HRH4: variants seen among roughly 807,000 people sequenced by gnomAD.
The protein encoded by HRH4 is histamine H4 receptor.
Under a neutral mutation model 10.4 loss-of-function variants are expected in HRH4, and 12 were observed. The ratio of observed to expected loss-of-function variants is 1.15; its 90% CI spans 0.74 to 1.87. The LOEUF is 1.87. HRH4 is among the 40% of genes most tolerant of loss of function. HRH4 has a pLI of 0.00. For synonymous variants in HRH4, 154 were observed against 166.6 expected, an observed-to-expected ratio of 0.92 and a Z score of 0.58; for missense variants, 415 against 453.3, an observed-to-expected ratio of 0.92 and a Z score of 0.77.
At position 24,477,294 on chromosome 18, in the gene HRH4, C is replaced by T; in HGVS notation, c.905C>T (p.Ala302Val). ...GAACTGCTTAGAGCCAGGAGATTAG[C>T]CAAGTCACTGGCCATTCTCTTAGGG... ...HVELLRARRL[A>V]KSLAILLGVF... Residue 302 changes from alanine to valine, a missense_variant, in exon 3 of 3, where the codon GCC (alanine) becomes GTC (valine). Transcript: ENST00000256906. 1.2e-6 allele frequency: 2 copies of T among 1,614,192 alleles called. No homozygotes were observed. Among genetic ancestry groups the T allele is most frequent in the Non-Finnish European group, 1.7e-6 (2 of 1,180,028 alleles).
At chr18:24,468,751 T>A in intron 1 of HRH4, 37 bp from the exon 2 acceptor site, 5 of 1,568,778 alleles carry the variant, frequency 3.2e-6, no homozygotes, top group Non-Finnish European at 4.3e-6. Context: ...TTCATTGATG[T>A]GCGCTATGTT....
chr18:24,462,470 C>A (rs139655916), intron 1 of HRH4, among the ~76,000 whole-genome samples: 440 of 152,164 alleles, frequency 2.9e-3, no homozygotes, highest in Non-Finnish European at 5.2e-3. Flanking sequence ...AGAAATCATG[C>A]AGTTAGGACC....
rs770870872 is a variant in HRH4 at position 24,477,232 on chromosome 18, AT to A, written c.844del (p.Ser282GlnfsTer4). On this transcript the variant is annotated frameshift_variant, in exon 3 of 3. Coordinates refer to ENST00000256906, the MANE Select transcript of HRH4 (RefSeq NM_021624.4). LOFTEE classifies it low-confidence loss of function (END_TRUNC). The part of the protein sequence containing the change: ...IASKMGSFSQ[S>X]DSVALHQREH... ...CTTCCAAAATGGGTTCCTTCTCCCAATCAGATTCTGTAGCTCTTCACCAAAG... is the reference window on the plus strand; with the variant it reads ...CTTCCAAAATGGGTTCCTTCTCCCAACAGATTCTGTAGCTCTTCACCAAAG... 6 of 1,614,212 alleles carry A rather than the reference AT, an allele frequency of 3.7e-6. No individual in the cohort carries two copies. The South Asian group carries it at 6.6e-5, about 18-fold the overall frequency.
intron 2 of HRH4, among the ~76,000 whole-genome samples, chr18:24,471,532 G>A (rs1468397529): frequency 1.4e-5 from 2 of 145,068 alleles, no homozygotes; most frequent in Non-Finnish European, 3.0e-5. Context: ...GCTTGAACCC[G>A]GGAGGCGGAG....
chr18:24,472,751 GT>G (rs1372241564), intron 2 of HRH4, among the ~76,000 whole-genome samples: 1 of 152,202 alleles, frequency 6.6e-6, no homozygotes, highest in Non-Finnish European at 1.5e-5. Flanking sequence ...CATGATTACA[GT>G]CCTCAGAGAG....
rs1910217919 is a variant in HRH4, at chr18:24,478,713, C to T, written c.*1151C>T. 1 of 152,196 alleles carries T rather than the reference C, an allele frequency of 6.6e-6. No individual in the cohort carries two copies. The highest frequency in any genetic ancestry group is 1.5e-5 in the Non-Finnish European group (1 of 68,046). 9.4% of individuals were successfully genotyped at this position (152,196 alleles called of 1,614,324 possible). A position where few individuals can be genotyped will look rare whatever the true frequency, so the allele number is the denominator to read the frequency against. On this transcript the variant is annotated 3_prime_UTR_variant, in exon 3 of 3. Transcript: ENST00000256906. ...TTTAAGACAGCATCTTGCTCTGTCT[C>T]CCAGGCTGGAGCGTAGTAATGCAAT...
intron 2 of HRH4, 32 bp downstream of exon 2, chr18:24,468,983 A>G (rs778781359): frequency 3.3e-6 from 5 of 1,532,474 alleles, no homozygotes; most frequent in South Asian, 2.5e-5. Flanking sequence ...TCCCCCTTAG[A>G]AGATTATGTA....
intron 1 of HRH4, among the ~76,000 whole-genome samples, chr18:24,464,753 A>G (rs1909730258): frequency 6.6e-6 from 1 of 152,138 alleles, no homozygotes; most frequent in Non-Finnish European, 1.5e-5. Context: ...GCACTTTCTG[A>G]GGTGCTGGGG....
At chr18:24,461,095 T>C (rs1296686007) in intron 1 of HRH4, among the ~76,000 whole-genome samples, 174 bp downstream of exon 1, 2 of 152,226 alleles carry the variant, frequency 1.3e-5, no homozygotes, top group African/African-American at 2.4e-5. Context: ...GGGAATGTTA[T>C]ACATATGTAA....
chr18:24,460,800 A>G lies in HRH4; in HGVS notation c.72A>G (p.Leu24=), dbSNP rs780265245. 6.3e-7 allele frequency: 1 copy of G among 1,585,342 alleles called. No homozygotes were observed. Among genetic ancestry groups the G allele is most frequent in the Non-Finnish European group, 8.6e-7 (1 of 1,159,242 alleles). ...TTACTTTAGCATTTTTTATGTCCTT[A>G]GTAGCTTTTGCTATAATGCTAGGAA... The part of the protein sequence containing the change: ...TRVTLAFFMS[L]VAFAIMLGNA... The change falls in exon 1 of 3, where the codon TTA becomes TTG. Residue 24 remains leucine, a synonymous_variant. Transcript: ENST00000256906.
Position 24,477,615 on chromosome 18 carries a change from C to CATTT in HRH4, c.*54_*55insTTTA. The CATTT allele has an allele frequency of 8.0e-7, 1 of 1,246,724 alleles. No individual in the cohort carries two copies. The highest frequency in any genetic ancestry group is 1.1e-6 in the Non-Finnish European group (1 of 901,602). The allele number at this position is 1,246,724 out of a possible 1,614,324, so 77.2% of individuals were successfully genotyped here. A position where few individuals can be genotyped will look rare whatever the true frequency, so the allele number is the denominator to read the frequency against. On this transcript the variant is annotated 3_prime_UTR_variant, in exon 3 of 3. Transcript: ENST00000256906. ...TAGTCTCAATCTCACCTAAATGAAT[C>CATTT]AGGTCTGCCCTTTATCTTGCCCTTT...
chr18:24,473,163 A>G (rs1038398245), intron 2 of HRH4, among the ~76,000 whole-genome samples: 1 of 152,166 alleles, frequency 6.6e-6, no homozygotes, highest in Non-Finnish European at 1.5e-5. Context: ...TCAAAAAAAA[A>G]AGTACAAAAA....
chr18:24,468,605 G>T (rs1043605109), intron 1 of HRH4, among the ~76,000 whole-genome samples, 183 bp from the exon 2 acceptor site: 1 of 152,178 alleles, frequency 6.6e-6, no homozygotes, highest in Non-Finnish European at 1.5e-5. Flanking sequence ...TAAAAATGGC[G>T]TTTAAGGAGT....
At chr18:24,467,336 A>G (rs1909803064) in intron 1 of HRH4, among the ~76,000 whole-genome samples, 2 of 152,230 alleles carry the variant, frequency 1.3e-5, no homozygotes, top group African/African-American at 2.4e-5. Context: ...CCTAATCCTC[A>G]GGAGAGACAG....
intron 1 of HRH4, among the ~76,000 whole-genome samples, chr18:24,466,723 A>G: frequency 6.6e-6 from 1 of 152,050 alleles, no homozygotes; most frequent in East Asian, 1.9e-4. Context: ...TAACTTTACT[A>G]TTCTTAATAA....
At chr18:24,470,317 T>C (rs1909897925) in intron 2 of HRH4, among the ~76,000 whole-genome samples, 2 of 152,118 alleles carry the variant, frequency 1.3e-5, no homozygotes, top group South Asian at 2.1e-4. Context: ...TGGCAAACTT[T>C]CATTATCAAG....
chr18:24,461,923 G>C (rs539738713), intron 1 of HRH4, among the ~76,000 whole-genome samples: 1 of 152,114 alleles, frequency 6.6e-6, no homozygotes, highest in Non-Finnish European at 1.5e-5. Context: ...CTTCCAGTAA[G>C]TTTTTGATGT....
intron 2 of HRH4, among the ~76,000 whole-genome samples, chr18:24,474,268 A>AG (rs992995409): frequency 6.6e-6 from 1 of 151,666 alleles, no homozygotes; most frequent in African/African-American, 2.4e-5. Flanking sequence ...GAAGGCAAAA[A>AG]AAAAAGTGTA....
chr18:24,467,404 A>T (rs1015845853), intron 1 of HRH4, among the ~76,000 whole-genome samples: 6 of 152,250 alleles, frequency 3.9e-5, no homozygotes, highest in Admixed American at 1.3e-4. Context: ...AGAGAGGGAA[A>T]GATGAGCAAA....
Sources: allele counts gnomAD v4.1 joint callset (sites outside exome capture counted in the v4.1 genomes callset), GRCh38; gene constraint gnomAD v4.1.1; transcripts MANE v1.5; gene names NCBI Gene and HGNC (gene_info 2026-07-23, HGNC 2026-07-21).